Variants in SGCD observed in about 807,000 individuals in gnomAD.
SGCD encodes the protein sarcoglycan delta, also known as delta-sarcoglycan.
Under a neutral mutation model 36.6 loss-of-function variants are expected in SGCD, and 18 were observed. The ratio of observed to expected loss-of-function variants is 0.49; its 90% confidence interval spans 0.34 to 0.73. The LOEUF (loss-of-function observed/expected upper bound fraction) is 0.73, where lower values mean the gene tolerates loss of function less well. Among genes scored for constraint, SGCD ranks in the 30% least tolerant of loss-of-function variants. The pLI is 0.01. For missense variants in SGCD, 387 were observed against 346.7 expected (o/e 1.12, Z -0.92); for synonymous variants, 133 against 130.6 (o/e 1.02, Z -0.12).
chr5:156,170,523 A>G (rs1763317571), intron 3 of SGCD, among the ~76,000 whole-genome samples: 1 of 152,112 alleles, frequency 6.6e-6, no homozygotes, highest in African/African-American at 2.4e-5. Flanking sequence ...AGATGACACC[A>G]CTTGTCACCA....
At chr5:156,086,527 C>T (rs1467490534) in intron 1 of SGCD, among the ~76,000 whole-genome samples, 1 of 152,210 alleles carries the variant, frequency 6.6e-6, no homozygotes, top group Admixed American at 6.5e-5. Flanking sequence ...TACAAGGCTA[C>T]ATGACTTGTT....
the SGCD span, among the ~76,000 whole-genome samples, chr5:155,755,380 G>C: frequency 6.6e-6 from 1 of 152,156 alleles, no homozygotes; most frequent in African/African-American, 2.4e-5. Flanking sequence ...ACTGCTCTGA[G>C]ACCTATGCTA....
chr5:156,229,811 G>T (rs758502016), intron 3 of SGCD, among the ~76,000 whole-genome samples: 12 of 152,016 alleles, frequency 7.9e-5, no homozygotes, highest in Non-Finnish European at 1.5e-4. Context: ...CTTAGGTTTG[G>T]TCGTTTAACA....
chr5:155,948,665 A>G (rs750507222), intron 1 of SGCD, among the ~76,000 whole-genome samples: 9 of 152,194 alleles, frequency 5.9e-5, no homozygotes, highest in Non-Finnish European at 1.2e-4. Flanking sequence ...TTTGCTAATG[A>G]TCTTAAATGG....
intron 1 of SGCD, among the ~76,000 whole-genome samples, chr5:156,084,650 A>T (rs1761051506): frequency 6.6e-6 from 1 of 152,202 alleles, no homozygotes; most frequent in South Asian, 2.1e-4. Flanking sequence ...AAATAGAGAC[A>T]GTATTATCTC....
chr5:156,293,923 A>C (rs1434764783), intron 3 of SGCD, among the ~76,000 whole-genome samples: 2 of 152,194 alleles, frequency 1.3e-5, no homozygotes, highest in Admixed American at 1.3e-4. Flanking sequence ...CATTTTGAAT[A>C]GTATTGACAT....
chr5:155,995,019 T>G (rs1374822394), intron 1 of SGCD, among the ~76,000 whole-genome samples: 1 of 152,176 alleles, frequency 6.6e-6, no homozygotes, highest in Non-Finnish European at 1.5e-5. Context: ...CTTTATCCTC[T>G]AAACCACAGC....
At chr5:156,590,346 C>T (rs570236975) in intron 5 of SGCD, among the ~76,000 whole-genome samples, 1 of 152,216 alleles carries the variant, frequency 6.6e-6, no homozygotes, top group African/African-American at 2.4e-5. Context: ...GATTCATAGC[C>T]AGTGGGTGAC....
intron 3 of SGCD, among the ~76,000 whole-genome samples, chr5:156,139,021 G>A (rs553667816): frequency 4.6e-5 from 7 of 152,226 alleles, no homozygotes; most frequent in African/African-American, 1.7e-4. Context: ...ATTTTTATTG[G>A]ATTGTTTACC....
the SGCD span, among the ~76,000 whole-genome samples, chr5:155,809,708 G>A: frequency 6.6e-6 from 1 of 152,212 alleles, no homozygotes; most frequent in Non-Finnish European, 1.5e-5. Flanking sequence ...TAGGAGAGAT[G>A]AGCATCATGT....
At chr5:156,130,320 T>C (rs193253722) in intron 3 of SGCD, among the ~76,000 whole-genome samples, 362 of 152,368 alleles carry the variant, frequency 2.4e-3, no homozygotes, top group Middle Eastern at 3.4e-3. Flanking sequence ...CTTTGCCTAC[T>C]TTTTAATGGG....
intron 3 of SGCD, among the ~76,000 whole-genome samples, chr5:156,376,137 G>A (rs1770656517): frequency 6.6e-6 from 1 of 152,212 alleles, no homozygotes; most frequent in Non-Finnish European, 1.5e-5. Context: ...CCTGGAAACA[G>A]TGGCTGCCTG....
intron 3 of SGCD, among the ~76,000 whole-genome samples, chr5:156,414,839 A>G (rs1393618360): frequency 1.3e-5 from 2 of 152,348 alleles, no homozygotes; most frequent in African/African-American, 4.8e-5. Context: ...AGCATTTGGT[A>G]TGTTACAATG....
intron 1 of SGCD, among the ~76,000 whole-genome samples, chr5:155,931,412 T>C (rs1358770681): frequency 1.3e-5 from 2 of 152,222 alleles, no homozygotes. Flanking sequence ...TCTATGAATG[T>C]ATTTCAACCT....
At chr5:155,895,272 A>C (rs1756224645) in intron 1 of SGCD, among the ~76,000 whole-genome samples, 1 of 152,218 alleles carries the variant, frequency 6.6e-6, no homozygotes. Context: ...ATTCTGGTGA[A>C]AGTTTTGAGA....
the SGCD span, among the ~76,000 whole-genome samples, chr5:155,737,002 C>G: frequency 1.8e-4 from 28 of 152,218 alleles, no homozygotes; most frequent in South Asian, 4.1e-4. Context: ...ATTCACGTCT[C>G]TAAGTGGGAT....
intron 3 of SGCD, among the ~76,000 whole-genome samples, chr5:156,386,900 T>A (rs1054043797): frequency 1.3e-5 from 2 of 152,262 alleles, no homozygotes; most frequent in African/African-American, 2.4e-5. Flanking sequence ...ACTTAAGGTA[T>A]GTTTATTCAT....
chr5:155,933,078 A>G (rs1757129246), intron 1 of SGCD, among the ~76,000 whole-genome samples: 1 of 152,234 alleles, frequency 6.6e-6, no homozygotes, highest in Admixed American at 6.5e-5. Context: ...GGCTGCAACT[A>G]GAATCCAAAC....
intron 4 of SGCD, among the ~76,000 whole-genome samples, chr5:156,584,193 A>G (rs1242850762): frequency 2.6e-5 from 4 of 152,134 alleles, no homozygotes; most frequent in African/African-American, 9.7e-5. Flanking sequence ...GTATATACCA[A>G]GCTCTTTTTT....
Sources: gnomAD v4.1 joint callset for allele counts (sites outside exome capture counted in the v4.1 genomes callset) on GRCh38, gnomAD v4.1.1 for gene constraint, MANE v1.5 for transcripts, NCBI Gene and HGNC (gene_info 2026-07-23, HGNC 2026-07-21) for gene names.